Variants in FAM78A observed in about 807,000 individuals in gnomAD.
FAM78A encodes protein FAM78A.
FAM78A carries 12 observed loss-of-function variants against 22.6 expected under a neutral mutation model. That is an observed-to-expected ratio of 0.53 (90% CI 0.34 to 0.86). The LOEUF is 0.86. Among genes scored for constraint, FAM78A ranks in the 40% least tolerant of loss-of-function variants. The pLI is 0.02. For missense variants in FAM78A, 322 were observed against 396.1 expected, an observed-to-expected ratio of 0.81 and a Z score of 1.59; for synonymous variants, 151 against 155.8, an observed-to-expected ratio of 0.97 and a Z score of 0.23.
upstream of FAM78A, among the ~76,000 whole-genome samples, chr9:131,280,144 G>T (rs1426176029): frequency 6.6e-6 from 1 of 152,254 alleles, no homozygotes; most frequent in Non-Finnish European, 1.5e-5. Context: ...CCATGGGCCT[G>T]TTTGCCGGCT....
upstream of FAM78A, among the ~76,000 whole-genome samples, chr9:131,277,171 T>C (rs1174487424): frequency 6.6e-6 from 1 of 151,310 alleles, no homozygotes; most frequent in Non-Finnish European, 1.5e-5. This position sits in a 1 kb window ranked among gnomAD's most constrained non-coding sequence, Gnocchi z 8.4. Flanking sequence ...TAGCCGCCCG[T>C]GACATCTCCG....
chr9:131,279,548 G>A (rs946530469), upstream of FAM78A, among the ~76,000 whole-genome samples: 1 of 152,340 alleles, frequency 6.6e-6, no homozygotes, highest in East Asian at 1.9e-4. Context: ...ACAAGTTCAA[G>A]TGCTCAATGA....
rs1473341138 is a variant in FAM78A at position 131,258,916 on chromosome 9, A to C, written c.*1906T>G. On this transcript the variant is annotated 3_prime_UTR_variant, in exon 2 of 2. Coordinates refer to ENST00000372271, the MANE Select transcript of FAM78A (RefSeq NM_033387.4). ...CCGTGCCAGCCGGCAGCTCCAGCCCAGTGTGTCCCAGGACAGCCTCCTGGC... is the reference window on the plus strand; with the variant it reads ...CCGTGCCAGCCGGCAGCTCCAGCCCCGTGTGTCCCAGGACAGCCTCCTGGC... 1 of 152,426 alleles carries C rather than the reference A, an allele frequency of 6.6e-6. No individual in the cohort carries two copies. The allele number at this position is 152,426 out of a possible 1,614,324, so 9.4% of individuals were successfully genotyped here.
At chr9:131,279,057 C>A (rs969395970), upstream of FAM78A, among the ~76,000 whole-genome samples, 24 of 152,266 alleles carry the variant, frequency 1.6e-4, no homozygotes, top group Non-Finnish European at 5.9e-5. Context: ...GCCTCTCACC[C>A]AGCCACACCC....
chr9:131,279,617 G>A (rs747011120), upstream of FAM78A, among the ~76,000 whole-genome samples: 4 of 152,190 alleles, frequency 2.6e-5, no homozygotes, highest in South Asian at 2.1e-4. Flanking sequence ...GCCCTGAACC[G>A]CCTTGTGAGC....
rs1268164854 is a variant in FAM78A at position 131,275,177 on chromosome 9, G to T, written c.323+680C>A. On this transcript the variant is annotated intron_variant, in intron 1 of 1. Coordinates refer to ENST00000372271, the MANE Select transcript of FAM78A (RefSeq NM_033387.4). This position sits in a 1 kb window ranked among gnomAD's most constrained non-coding sequence, Gnocchi z 4.6. ...CGGGCTTTGGGGCTGCAGAGGAGAGGCTCCTCTTTGCTGTTCCTGTTAGGG... is the reference window on the plus strand; with the variant it reads ...CGGGCTTTGGGGCTGCAGAGGAGAGTCTCCTCTTTGCTGTTCCTGTTAGGG... 6.6e-6 allele frequency among the ~76,000 whole-genome samples: 1 copy of T among 152,172 alleles called. No homozygotes were observed. Among genetic ancestry groups the T allele is most frequent in the East Asian group, 1.9e-4 (1 of 5,188 alleles).
rs199899611 is a variant in FAM78A, at chr9:131,264,649, T to A, written c.324-3299A>T. 844 of 716,768 alleles carry A rather than the reference T, an allele frequency of 1.2e-3. 1 individual carries two copies. Among genetic ancestry groups the A allele is most frequent in the Non-Finnish European group, 1.9e-3 (736 of 384,870 alleles). The allele number at this position is 716,768 out of a possible 1,614,324, so 44.4% of individuals were successfully genotyped here. On this transcript the variant is annotated intron_variant, in intron 1 of 1. Coordinates refer to ENST00000372271, the MANE Select transcript of FAM78A (RefSeq NM_033387.4). ...GACCCTTTGAGGGTGGCATCAGCAGTTAGAAGTGTGCCTCTCCCAGACCAG... is the reference window on the plus strand; with the variant it reads ...GACCCTTTGAGGGTGGCATCAGCAGATAGAAGTGTGCCTCTCCCAGACCAG...
chr9:131,269,756 C>A (rs1305998403), intron 1 of FAM78A, among the ~76,000 whole-genome samples: 1 of 152,114 alleles, frequency 6.6e-6, no homozygotes, highest in East Asian at 1.9e-4. Flanking sequence ...GGATTATAGG[C>A]GTGAGCCACC....
rs1324269940 is a variant in FAM78A, at chr9:131,258,133, A to T, written c.*2689T>A. On this transcript the variant is annotated 3_prime_UTR_variant, in exon 2 of 2. Coordinates refer to ENST00000372271, the MANE Select transcript of FAM78A (RefSeq NM_033387.4). Reference sequence around the variant, plus strand: ...TGAATATTTGCTTTTTGTTTTTTGTAAAAAAAAAAAGGTTCATTGTACATC... The same window carrying T: ...TGAATATTTGCTTTTTGTTTTTTGTTAAAAAAAAAAGGTTCATTGTACATC... 1 of 1,972 alleles carries T rather than the reference A, an allele frequency of 5.1e-4. No individual in the cohort carries two copies. Among genetic ancestry groups the T allele is most frequent in the African/African-American group, 7.2e-4 (1 of 1,394 alleles). 0.1% of individuals were successfully genotyped at this position (1,972 alleles called of 1,614,324 possible).
Position 131,275,619 on chromosome 9 carries a change from C to CG in FAM78A, c.323+237dup, listed in dbSNP as rs938377393. On this transcript the variant is annotated intron_variant, in intron 1 of 1. Transcript: ENST00000372271. The surrounding 1 kb of genome is among the most constrained non-coding windows in gnomAD (Gnocchi z 4.6). ...TCTTGCAGGGAAGGACACAGGAACC[C>CG]GGGGGGAACAGTGGCAGGGTAGATT... 6.6e-6 allele frequency among the ~76,000 whole-genome samples: 1 copy of CG among 152,178 alleles called. No individual in the cohort carries two copies. Among genetic ancestry groups the CG allele is most frequent in the Non-Finnish European group, 1.5e-5 (1 of 68,028 alleles).
chr9:131,271,184 A>T (rs1160292751), intron 1 of FAM78A, among the ~76,000 whole-genome samples: 1 of 151,438 alleles, frequency 6.6e-6, no homozygotes, highest in Non-Finnish European at 1.5e-5. Context: ...ATTTTTTTGT[A>T]TTTTTTGTAG....
At position 131,272,578 on chromosome 9, in the gene FAM78A, A is replaced by G. The variant is rs1835433599; in HGVS notation, c.323+3279T>C. ...CTGTTCCCTTTCCTTTTCATGCCAC[A>G]AGGCTTAAAAACTTGGAAAATGGAA... On this transcript the variant is annotated intron_variant, in intron 1 of 1. Coordinates refer to ENST00000372271, the MANE Select transcript of FAM78A (RefSeq NM_033387.4). This position sits in a 1 kb window ranked among gnomAD's most constrained non-coding sequence, Gnocchi z 4.1. 6.6e-6 allele frequency among the ~76,000 whole-genome samples: 1 copy of G among 152,172 alleles called. No homozygotes were observed. Among genetic ancestry groups the G allele is most frequent in the South Asian group, 2.1e-4 (1 of 4,826 alleles).
intron 1 of FAM78A, among the ~76,000 whole-genome samples, chr9:131,273,474 C>T (rs550775070): frequency 1.3e-5 from 2 of 152,240 alleles, no homozygotes; most frequent in African/African-American, 2.4e-5. Context: ...GTCCCGAGAG[C>T]GAGAGGGAGC....
At chr9:131,269,546 G>A (rs1335507141) in intron 1 of FAM78A, among the ~76,000 whole-genome samples, 2 of 151,606 alleles carry the variant, frequency 1.3e-5, no homozygotes, top group Admixed American at 6.6e-5. Context: ...GCGTGATCTC[G>A]GCTCACGGTA....
chr9:131,258,472 G>C lies in FAM78A; in HGVS notation c.*2350C>G, dbSNP rs978883716. 2.0e-5 allele frequency: 3 copies of C among 152,236 alleles called. No individual in the cohort carries two copies. Among genetic ancestry groups the C allele is most frequent in the African/African-American group, 4.8e-5 (2 of 41,454 alleles). The allele number at this position is 152,236 out of a possible 1,614,324, so 9.4% of individuals were successfully genotyped here. ...AGGGGCACGGGTGAAGGTGGGTCAG[G>C]GGGCAAGGTGGGCTGGGGGCCGGGC... is the stretch of plus-strand genomic sequence containing the variant. On this transcript the variant is annotated 3_prime_UTR_variant, in exon 2 of 2. Coordinates refer to ENST00000372271, the MANE Select transcript of FAM78A (RefSeq NM_033387.4).
rs1405895248 is a variant in FAM78A, at chr9:131,260,657, T to TGCCGAGA, written c.*158_*164dup. The TGCCGAGA allele has an allele frequency of 1.4e-6, 1 of 714,120 alleles. No individual in the cohort carries two copies. Among genetic ancestry groups the TGCCGAGA allele is most frequent in the Non-Finnish European group, 2.1e-6 (1 of 467,570 alleles). The allele number at this position is 714,120 out of a possible 1,614,324, so 44.2% of individuals were successfully genotyped here. On this transcript the variant is annotated 3_prime_UTR_variant, in exon 2 of 2. Transcript: ENST00000372271. This position sits in a 1 kb window ranked among gnomAD's most constrained non-coding sequence, Gnocchi z 5.4. ...TCCCCTCTCCCTGAAAGGAAGCAGG[T>TGCCGAGA]GCCGAGAGCCGGGGAGGCCTTCCCG...
At position 131,271,060 on chromosome 9, in the gene FAM78A, C is replaced by T. The variant is rs137875840; in HGVS notation, c.323+4797G>A. On this transcript the variant is annotated intron_variant, in intron 1 of 1. Transcript: ENST00000372271. Reference sequence around the variant, plus strand: ...TCACTCTGTTGCCCCAGCTGGAGTGCAGTGGTGCAATCACAGCTCACTTGC... The same window carrying T: ...TCACTCTGTTGCCCCAGCTGGAGTGTAGTGGTGCAATCACAGCTCACTTGC... 1.1e-3 allele frequency among the ~76,000 whole-genome samples: 163 copies of T among 143,464 alleles called. 3 individuals carry two copies. In the East Asian group the frequency reaches 0.032, roughly 28 times the overall value. 94.1% of individuals were successfully genotyped at this position (143,464 alleles called of 152,430 possible).
chr9:131,264,289 C>G, intron 1 of FAM78A: 1 of 393,630 alleles, frequency 2.5e-6, no homozygotes, highest in Non-Finnish European at 4.6e-6. Context: ...TCCTGAAACT[C>G]CCAGGCCCTG....
At chr9:131,280,240 C>T (rs1383824860), upstream of FAM78A, among the ~76,000 whole-genome samples, 1 of 152,176 alleles carries the variant, frequency 6.6e-6, no homozygotes, top group East Asian at 1.9e-4. Flanking sequence ...TCTGAAGCGC[C>T]CACCAGGGTT....
Sources: gnomAD v4.1 joint callset for allele counts (sites outside exome capture counted in the v4.1 genomes callset) on GRCh38, gnomAD v4.1.1 for gene constraint, Gnocchi (gnomAD v3.1) non-coding constraint, MANE v1.5 for transcripts, NCBI Gene and HGNC (gene_info 2026-07-23, HGNC 2026-07-21) for gene names.